Variants in CYP20A1 observed in about 807,000 individuals in gnomAD.
CYP20A1 encodes cytochrome P450 20A1.
A neutral mutation model predicts 61.4 loss-of-function variants in CYP20A1; 61 were observed. That is an observed-to-expected ratio of 0.99 (90% CI 0.81 to 1.23). The LOEUF (loss-of-function observed/expected upper bound fraction) is 1.23, where lower values mean the gene tolerates loss of function less well. Ranked by LOEUF, CYP20A1 falls within the 50% of genes most tolerant of loss-of-function variation. CYP20A1 has a pLI of 0.00. For missense variants in CYP20A1, 530 were observed against 542.4 expected (o/e 0.98, Z 0.23); for synonymous variants, 193 against 188.2 (o/e 1.03, Z -0.21).
chr2:203,244,035 C>G (rs754386401), intron 1 of CYP20A1, among the ~76,000 whole-genome samples: 3 of 151,878 alleles, frequency 2.0e-5, no homozygotes, highest in Non-Finnish European at 2.9e-5. Flanking sequence ...ATTTCCAGAC[C>G]ACCCTGCCTA....
Position 203,285,725 on chromosome 2 carries a change from C to A in CYP20A1, c.964C>A (p.Gln322Lys). 6.3e-7 allele frequency: 1 copy of A among 1,591,574 alleles called. No individual in the cohort carries two copies. The highest frequency in any genetic ancestry group is 8.5e-7 in the Non-Finnish European group (1 of 1,174,680). ...TCCTGTTACTCCAGAGAAAATTGAG[C>A]AGCTCAGGTAAGAACACAATAAAAA... ...NGPVTPEKIE[Q>K]LRYCQHVLCE... The change falls in exon 9 of 13, where the codon CAG becomes AAG. Residue 322 changes from glutamine to lysine, a missense_variant. By Grantham distance (53) the Gln-to-Lys change is moderately conservative. Coordinates refer to ENST00000356079, the MANE Select transcript of CYP20A1 (RefSeq NM_177538.3).
In CYP20A1 at chr2:203,246,614, T is replaced by G. The variant is rs111346759; in HGVS notation, c.123-141T>G. 178 of 764,834 alleles carry G rather than the reference T, an allele frequency of 2.3e-4. 2 individuals carry two copies. Among genetic ancestry groups the G allele is most frequent in the Middle Eastern group, 2.1e-3 (6 of 2,858 alleles). 47.4% of individuals were successfully genotyped at this position (764,834 alleles called of 1,614,324 possible). A position where few individuals can be genotyped will look rare whatever the true frequency, so the allele number is the denominator to read the frequency against. On this transcript the variant is annotated intron_variant, in intron 2 of 12. Transcript: ENST00000356079. ...AATATAGCAAGAAGGCAAATATAAT[T>G]GAGTTTTGGATTTTGCAGTAATTTG... is the stretch of plus-strand genomic sequence containing the variant.
At chr2:203,270,667 G>A (rs920713813) in intron 5 of CYP20A1, among the ~76,000 whole-genome samples, 5 of 147,736 alleles carry the variant, frequency 3.4e-5, no homozygotes, top group African/African-American at 1.0e-4. Context: ...TTTGTGCCTT[G>A]TGTTCTGTCA....
chr2:203,287,144 A>C (rs1187856605), intron 9 of CYP20A1, among the ~76,000 whole-genome samples: 1 of 145,216 alleles, frequency 6.9e-6, no homozygotes, highest in Non-Finnish European at 1.5e-5. Context: ...ACCTGAGCCC[A>C]GGAAGTCCAG....
At chr2:203,249,964 G>T (rs956932152) in intron 3 of CYP20A1, among the ~76,000 whole-genome samples, 1 of 152,134 alleles carries the variant, frequency 6.6e-6, no homozygotes, top group African/African-American at 2.4e-5. Context: ...ATAAAAATGA[G>T]AAATTTTACT....
At chr2:203,263,998 C>T (rs889898996) in intron 4 of CYP20A1, among the ~76,000 whole-genome samples, 2 of 151,654 alleles carry the variant, frequency 1.3e-5, no homozygotes, top group African/African-American at 4.9e-5. Flanking sequence ...GTGTGGGGGG[C>T]GTGGGTGTTT....
intron 3 of CYP20A1, among the ~76,000 whole-genome samples, chr2:203,248,090 A>T (rs2066523283): frequency 6.6e-6 from 1 of 151,722 alleles, no homozygotes; most frequent in Non-Finnish European, 1.5e-5. Context: ...GCCAGATGTG[A>T]TACATGTGCC....
chr2:203,250,042 G>A (rs1033546352), intron 3 of CYP20A1, among the ~76,000 whole-genome samples: 7 of 152,058 alleles, frequency 4.6e-5, no homozygotes, highest in Non-Finnish European at 1.0e-4. Context: ...GAAATCATGT[G>A]GTGTACATGT....
At chr2:203,267,843 C>CA (rs1250683399) in intron 5 of CYP20A1, among the ~76,000 whole-genome samples, 1,441 of 76,932 alleles carry the variant, frequency 0.019, 20 homozygotes, top group East Asian at 0.1. Flanking sequence ...GAGTCCATCT[C>CA]AAAAAAAAAA....
rs1477421647 is a variant in CYP20A1, at chr2:203,296,791, T to C, written c.1272T>C (p.Ser424=). 1 of 1,605,372 alleles carries C rather than the reference T, an allele frequency of 6.2e-7. No individual in the cohort carries two copies. The highest frequency in any genetic ancestry group is 1.1e-5 in the South Asian group (1 of 88,676). Residue 424 remains serine, a synonymous_variant, in exon 13 of 13, where the codon AGT becomes AGC. Coordinates refer to ENST00000356079, the MANE Select transcript of CYP20A1 (RefSeq NM_177538.3). ...ATATGGTGACCACAGTACTTCTTAGTGTATTGGTGAAGAGACTGCACCTAC... is the reference window on the plus strand; with the variant it reads ...ATATGGTGACCACAGTACTTCTTAGCGTATTGGTGAAGAGACTGCACCTAC... ...FAYMVTTVLL[S]VLVKRLHLLS...
intron 8 of CYP20A1, 112 bp from the exon 9 acceptor site, chr2:203,285,500 A>G (rs2068226928): frequency 4.9e-6 from 6 of 1,227,056 alleles, no homozygotes; most frequent in Admixed American, 5.8e-5. Context: ...ATATCATGGG[A>G]GAAAAAAAGC....
Position 203,285,493 on chromosome 2 carries a change from T to C in CYP20A1, c.851-119T>C. On this transcript the variant is annotated intron_variant, in intron 8 of 12. Coordinates refer to ENST00000356079, the MANE Select transcript of CYP20A1 (RefSeq NM_177538.3). ...TAGTAGCACTTATATATCTTCTATA[T>C]CATGGGAGAAAAAAAGCAAATACAA... The C allele has an allele frequency of 2.6e-6, 3 of 1,144,690 alleles. No individual in the cohort carries two copies. In the Admixed American group the frequency reaches 9.1e-5, roughly 35 times the overall value. 70.9% of individuals were successfully genotyped at this position (1,144,690 alleles called of 1,614,324 possible). A position where few individuals can be genotyped will look rare whatever the true frequency, so the allele number is the denominator to read the frequency against.
At chr2:203,243,850 G>A (rs1286432749) in intron 1 of CYP20A1, among the ~76,000 whole-genome samples, 3 of 151,516 alleles carry the variant, frequency 2.0e-5, no homozygotes, top group South Asian at 2.1e-4. Context: ...CACTGCACCC[G>A]GCGAATTTTT....
intron 9 of CYP20A1, among the ~76,000 whole-genome samples, chr2:203,288,279 T>G (rs976036584): frequency 6.6e-6 from 1 of 151,884 alleles, no homozygotes; most frequent in African/African-American, 2.4e-5. Context: ...TTGGCCAGGC[T>G]GGTCTCGAAC....
At chr2:203,251,598 C>T (rs1186109224) in intron 3 of CYP20A1, among the ~76,000 whole-genome samples, 6 of 150,214 alleles carry the variant, frequency 4.0e-5, no homozygotes, top group African/African-American at 1.5e-4. Context: ...GTTGAAACCC[C>T]GTCTCTACTA....
At chr2:203,271,078 ATATATTTTTTTTTTTTTTT>A (rs2067570184) in intron 5 of CYP20A1, among the ~76,000 whole-genome samples, 5 of 48,792 alleles carry the variant, frequency 1.0e-4, no homozygotes, top group African/African-American at 3.2e-4. Context: ...ATATATATAT[ATATATTTTTTTTTTTTTTT>A]TTTTTTTTGA....
intron 1 of CYP20A1, among the ~76,000 whole-genome samples, chr2:203,242,833 C>T (rs531562039): frequency 6.6e-6 from 1 of 151,992 alleles, no homozygotes; most frequent in South Asian, 2.1e-4. Context: ...TTACTATAAC[C>T]ACTCCTTTGC....
intron 9 of CYP20A1, among the ~76,000 whole-genome samples, chr2:203,287,023 C>T (rs1439950178): frequency 6.6e-6 from 1 of 150,400 alleles, no homozygotes; most frequent in Non-Finnish European, 1.5e-5. Context: ...CAAGACCAGC[C>T]AGAGCAACAT....
In CYP20A1 at chr2:203,298,950, G is replaced by T. The variant is rs963889590; in HGVS notation, c.*2042G>T. Reference sequence around the variant, plus strand: ...CTTGGGAGGCTGAGGCAGGAGAATCGCTTGAACCTGGGAGGCGGAGGTTGC... The same window carrying T: ...CTTGGGAGGCTGAGGCAGGAGAATCTCTTGAACCTGGGAGGCGGAGGTTGC... On this transcript the variant is annotated 3_prime_UTR_variant, in exon 13 of 13. Transcript: ENST00000356079. Among the ~76,000 whole-genome samples, 1 of 151,902 alleles carries T rather than the reference G, an allele frequency of 6.6e-6. No homozygotes were observed. Among genetic ancestry groups the T allele is most frequent in the Non-Finnish European group, 1.5e-5 (1 of 67,948 alleles).
Sources: gnomAD v4.1 joint callset for allele counts (sites outside exome capture counted in the v4.1 genomes callset) on GRCh38, gnomAD v4.1.1 for gene constraint, MANE v1.5 for transcripts, NCBI Gene and HGNC (gene_info 2026-07-23, HGNC 2026-07-21) for gene names.